Variants in YEATS2 observed in about 807,000 individuals in gnomAD.
The protein encoded by YEATS2 is YEATS domain containing 2.
In YEATS2, 77 loss-of-function variants were observed where a neutral mutation model predicts 163.2. The observed-to-expected ratio is 0.47, with a 90% confidence interval of 0.39 to 0.57. The LOEUF (loss-of-function observed/expected upper bound fraction) is 0.57. YEATS2 is among the 20% of genes least tolerant of loss of function. The pLI is 0.00. For missense variants in YEATS2, 1,549 were observed against 1,729.8 expected, an observed-to-expected ratio of 0.90 and a Z score of 1.85; for synonymous variants, 631 against 645.1, an observed-to-expected ratio of 0.98 and a Z score of 0.33.
intron 25 of YEATS2, 140 bp from the exon 26 acceptor site, chr3:183,803,116 G>A (rs770849007): frequency 4.3e-4 from 348 of 815,174 alleles, no homozygotes; most frequent in Non-Finnish European, 6.3e-4. Flanking sequence ...TCCTGTGTTA[G>A]GCTGCATCTG....
At chr3:183,718,141 T>G (rs2109040612) in intron 3 of YEATS2, among the ~76,000 whole-genome samples, 1 of 152,328 alleles carries the variant, frequency 6.6e-6, no homozygotes, top group Middle Eastern at 3.4e-3. Context: ...TTATGCATTG[T>G]ATGCCTCTAT....
chr3:183,738,623 A>C (rs867284858), intron 8 of YEATS2, among the ~76,000 whole-genome samples: 6 of 138,686 alleles, frequency 4.3e-5, no homozygotes, highest in Non-Finnish European at 7.7e-5. Flanking sequence ...TCATTGTTCA[A>C]TTCCCACCTA....
rs532802304 is a variant in YEATS2 at position 183,788,076 on chromosome 3, G to C, written c.2913+1775G>C. Among the ~76,000 whole-genome samples, 4 of 152,254 alleles carry C rather than the reference G, an allele frequency of 2.6e-5. No individual in the cohort carries two copies. The South Asian group carries it at 6.2e-4, about 24-fold the overall frequency. Reference sequence around the variant, plus strand: ...ATTCACAGGGTACATGTGATGTTTTGATGCAGGCATACAATGCGTAATAAT... The same window carrying C: ...ATTCACAGGGTACATGTGATGTTTTCATGCAGGCATACAATGCGTAATAAT... On this transcript the variant is annotated intron_variant, in intron 20 of 30. Transcript: ENST00000305135.
intron 15 of YEATS2, among the ~76,000 whole-genome samples, chr3:183,768,256 C>T (rs755894658): frequency 2.6e-5 from 4 of 152,306 alleles, no homozygotes; most frequent in East Asian, 1.9e-4. Flanking sequence ...CATACCTCCA[C>T]GTTCACGCTT....
intron 7 of YEATS2, among the ~76,000 whole-genome samples, chr3:183,729,910 G>C (rs1396285531): frequency 6.6e-6 from 1 of 151,532 alleles, no homozygotes; most frequent in Non-Finnish European, 1.5e-5. Context: ...GGCTGGTCTC[G>C]AACTCCTGAC....
chr3:183,704,100 G>A (rs1269880095), intron 1 of YEATS2, among the ~76,000 whole-genome samples: 2 of 150,372 alleles, frequency 1.3e-5, no homozygotes, highest in African/African-American at 2.4e-5. Flanking sequence ...GCAGTGAGCC[G>A]ATATTGCGCC....
chr3:183,778,640 TC>T (rs1195250993), intron 19 of YEATS2, among the ~76,000 whole-genome samples: 3 of 151,804 alleles, frequency 2.0e-5, no homozygotes, highest in Non-Finnish European at 4.4e-5. Context: ...ACAGGCGTGA[TC>T]CGCTCCTGGC....
intron 2 of YEATS2, among the ~76,000 whole-genome samples, chr3:183,716,478 A>G (rs1246016525): frequency 6.6e-6 from 1 of 152,174 alleles, no homozygotes; most frequent in Non-Finnish European, 1.5e-5. Flanking sequence ...ATCTGTATAG[A>G]AGGAAAATTG....
intron 15 of YEATS2, among the ~76,000 whole-genome samples, chr3:183,764,368 TAAAAAAAAAAAAA>T (rs11452949): frequency 2.9e-5 from 3 of 105,228 alleles, no homozygotes; most frequent in Non-Finnish European, 5.4e-5. Flanking sequence ...AAACTCTGTT[TAAAAAAAAAAAAA>T]AAAAAAAAAA....
intron 20 of YEATS2, among the ~76,000 whole-genome samples, chr3:183,789,675 A>G (rs2108475729): frequency 6.7e-6 from 1 of 150,190 alleles, no homozygotes; most frequent in East Asian, 2.0e-4. Flanking sequence ...AGCTGAGATT[A>G]CAGGCACCCA....
chr3:183,751,333 T>C (rs1720144026), intron 9 of YEATS2, among the ~76,000 whole-genome samples: 1 of 152,230 alleles, frequency 6.6e-6, no homozygotes, highest in African/African-American at 2.4e-5. Context: ...TTACTATGGC[T>C]TTGTAATAAA....
At chr3:183,791,301 C>T (rs943250269) in intron 21 of YEATS2, among the ~76,000 whole-genome samples, 1 of 152,206 alleles carries the variant, frequency 6.6e-6, no homozygotes, top group Admixed American at 6.5e-5. Context: ...TCCCAAAGTG[C>T]TGGGATTACA....
At position 183,754,357 on chromosome 3, in the gene YEATS2, T is replaced by A; in HGVS notation, c.1382T>A (p.Ile461Asn). Reference sequence around the variant, plus strand: ...CAGCCCATCACCATGAGCTGCAAGATTGTGTCAGGTATGCAGATGTTTTGA... The same window carrying A: ...CAGCCCATCACCATGAGCTGCAAGAATGTGTCAGGTATGCAGATGTTTTGA... ...SFQPITMSCK[I>N]VSGSPISTPS... is the part of the protein sequence containing the mutation. The change falls in exon 11 of 31, where the codon ATT becomes AAT. Residue 461 changes from isoleucine to asparagine, a missense_variant. Physicochemically the swap from Ile to Asn is moderately radical, Grantham distance 149 (BLOSUM62 -3). Coordinates refer to ENST00000305135, the MANE Select transcript of YEATS2 (RefSeq NM_018023.5). 6.2e-7 allele frequency: 1 copy of A among 1,613,180 alleles called. No homozygotes were observed. Among genetic ancestry groups the A allele is most frequent in the Non-Finnish European group, 8.5e-7 (1 of 1,179,216 alleles).
intron 21 of YEATS2, among the ~76,000 whole-genome samples, chr3:183,795,171 C>CAAA (rs11370496): frequency 1.6e-5 from 2 of 123,872 alleles, no homozygotes; most frequent in African/African-American, 6.3e-5. Context: ...GACACTGTCT[C>CAAA]AAAAAAAAAA....
In YEATS2 at chr3:183,772,793, A is replaced by C. The variant is rs1202699408; in HGVS notation, c.2206+230A>C. On this transcript the variant is annotated intron_variant, in intron 16 of 30. Transcript: ENST00000305135. Reference sequence around the variant, plus strand: ...CACACACACACCCACATACACACACACACACGAACAAATCATTTCTCAGTA... The same window carrying C: ...CACACACACACCCACATACACACACCCACACGAACAAATCATTTCTCAGTA... Among the ~76,000 whole-genome samples the C allele has an allele frequency of 2.0e-5, 3 of 152,186 alleles. No homozygotes were observed. The East Asian group carries it at 5.8e-4, about 30-fold the overall frequency.
chr3:183,718,303 G>C (rs1164917522), intron 3 of YEATS2, among the ~76,000 whole-genome samples, 197 bp from the exon 4 acceptor site: 1 of 152,132 alleles, frequency 6.6e-6, no homozygotes, highest in East Asian at 1.9e-4. Flanking sequence ...CATATTCATT[G>C]CAACACTTTT....
At chr3:183,793,167 A>ATCACCGAGAT (rs764054491) in intron 21 of YEATS2, 31 of 1,288,824 alleles carry the variant, frequency 2.4e-5, no homozygotes, top group South Asian at 8.6e-5. Flanking sequence ...AAAACTGAAT[A>ATCACCGAGAT]TCACCGAGAT....
Position 183,758,850 on chromosome 3 carries a change from C to T in YEATS2, c.1553-12C>T. The T allele has an allele frequency of 6.5e-7, 1 of 1,543,962 alleles. No individual in the cohort carries two copies. The highest frequency in any genetic ancestry group is 8.8e-7 in the Non-Finnish European group (1 of 1,130,508). ...TACTTTGTTTATGTTTTAATTGTGC[C>T]TTGCTTATCAGGAAGTCCTACAAAC... On this transcript the variant is annotated splice_polypyrimidine_tract_variant and intron_variant, in intron 12 of 30. Coordinates refer to ENST00000305135, the MANE Select transcript of YEATS2 (RefSeq NM_018023.5).
chr3:183,786,870 A>G (rs1312494184), intron 20 of YEATS2, among the ~76,000 whole-genome samples: 1 of 152,170 alleles, frequency 6.6e-6, no homozygotes, highest in African/African-American at 2.4e-5. Context: ...GCTGCAGTGA[A>G]TATTTGTGTA....
Sources: gnomAD v4.1 joint callset for allele counts (sites outside exome capture counted in the v4.1 genomes callset) on GRCh38, gnomAD v4.1.1 for gene constraint, MANE v1.5 for transcripts, NCBI Gene and HGNC (gene_info 2026-07-23, HGNC 2026-07-21) for gene names.